The following GRIP1 variants were observed in gnomAD, a reference collection of about 807,000 sequenced individuals.
The protein encoded by GRIP1 is glutamate receptor-interacting protein 1.
In GRIP1, 45 loss-of-function variants were observed where a neutral mutation model predicts 129.9. That is an observed-to-expected ratio of 0.35 (90% CI 0.27 to 0.44). The LOEUF is 0.44. GRIP1 is among the 20% of genes least tolerant of loss of function. GRIP1 has a pLI of 1.00. For missense variants in GRIP1, 1,196 were observed against 1,396.8 expected (o/e 0.86, Z 2.29); for synonymous variants, 530 against 520.8 (o/e 1.02, Z -0.24).
At chr12:66,611,299 T>C (rs1187353223) in intron 1 of GRIP1, among the ~76,000 whole-genome samples, 3 of 152,142 alleles carry the variant, frequency 2.0e-5, no homozygotes, top group African/African-American at 7.2e-5. Flanking sequence ...TGAGAGACAT[T>C]AGCTAAAAAT....
chr12:66,849,816 C>T (rs759600071), intron 1 of GRIP1, among the ~76,000 whole-genome samples: 3 of 152,162 alleles, frequency 2.0e-5, no homozygotes, highest in Non-Finnish European at 4.4e-5. Context: ...CATCTTCAAT[C>T]TGTCCCCCTT....
chr12:67,023,718 C>T (rs1294350011), intron 1 of GRIP1, among the ~76,000 whole-genome samples: 1 of 151,950 alleles, frequency 6.6e-6, no homozygotes, highest in Non-Finnish European at 1.5e-5. Context: ...CCAAAACTTC[C>T]ACTCTCACCC....
chr12:67,003,126 T>C (rs1324176149), intron 1 of GRIP1, among the ~76,000 whole-genome samples: 2 of 152,138 alleles, frequency 1.3e-5, no homozygotes, highest in Non-Finnish European at 2.9e-5. Flanking sequence ...AAATTCTAAA[T>C]GTGAACACCA....
At chr12:67,049,970 CT>C (rs62802760) in intron 1 of GRIP1, among the ~76,000 whole-genome samples, 16,449 of 126,438 alleles carry the variant, frequency 0.13, 979 homozygotes, top group African/African-American at 0.18. Context: ...ATTTGAATTT[CT>C]TTTTTTTTTT....
intron 1 of GRIP1, among the ~76,000 whole-genome samples, chr12:66,998,203 C>T (rs188070325): frequency 3.5e-4 from 54 of 152,148 alleles, no homozygotes; most frequent in African/African-American, 1.1e-3. Context: ...TCAAAAGCCG[C>T]ATGTGGCTAC....
intron 11 of GRIP1, among the ~76,000 whole-genome samples, chr12:66,447,467 G>A (rs980473758): frequency 3.3e-5 from 5 of 152,048 alleles, no homozygotes; most frequent in African/African-American, 7.2e-5. Flanking sequence ...CCTAAATCAT[G>A]GTCAAATGTT....
intron 1 of GRIP1, among the ~76,000 whole-genome samples, chr12:66,717,383 T>TA (rs11403679): frequency 0.46 from 67,853 of 146,554 alleles, 15,551 homozygotes; most frequent in Admixed American, 0.54. Flanking sequence ...TTGCTCACTG[T>TA]AAAAAAAAAA....
intron 1 of GRIP1, among the ~76,000 whole-genome samples, chr12:66,713,693 A>G (rs1274455885): frequency 6.6e-6 from 1 of 151,940 alleles, no homozygotes; most frequent in Non-Finnish European, 1.5e-5. Context: ...CTTCTCTCTC[A>G]TAGAGTTAAT....
At chr12:66,766,133 G>A (rs2037629454) in intron 1 of GRIP1, among the ~76,000 whole-genome samples, 1 of 152,144 alleles carries the variant, frequency 6.6e-6, no homozygotes, top group South Asian at 2.1e-4. Context: ...ATAAGTGACT[G>A]GCTGACAACT....
chr12:66,516,380 G>A (rs1413957908), intron 6 of GRIP1, among the ~76,000 whole-genome samples: 1 of 152,086 alleles, frequency 6.6e-6, no homozygotes, highest in African/African-American at 2.4e-5. Flanking sequence ...CACCACAAAA[G>A]TACAGCCAGG....
chr12:66,589,194 T>TTC (rs10582806), intron 2 of GRIP1, among the ~76,000 whole-genome samples: 35,630 of 95,348 alleles, frequency 0.37, 6,953 homozygotes, highest in East Asian at 0.63. Context: ...CTCCCCCACC[T>TTC]TCTCTCTCTC....
chr12:66,948,760 G>A (rs1046075007), intron 1 of GRIP1, among the ~76,000 whole-genome samples: 1 of 152,104 alleles, frequency 6.6e-6, no homozygotes, highest in African/African-American at 2.4e-5. Context: ...GAAAGAAAAA[G>A]GAAAGACCCC....
At chr12:66,684,555 C>T (rs2034706734) in intron 1 of GRIP1, among the ~76,000 whole-genome samples, 1 of 152,136 alleles carries the variant, frequency 6.6e-6, no homozygotes, top group South Asian at 2.1e-4. Context: ...TTAAAACTCC[C>T]TTCCCCTGGC....
chr12:66,665,452 A>T (rs1395171618), intron 1 of GRIP1, among the ~76,000 whole-genome samples: 1 of 152,140 alleles, frequency 6.6e-6, no homozygotes, highest in Non-Finnish European at 1.5e-5. Flanking sequence ...GTATCCCCAT[A>T]AGTGTGTGTG....
intron 1 of GRIP1, among the ~76,000 whole-genome samples, chr12:66,932,442 C>T (rs2041412669): frequency 6.6e-6 from 1 of 152,106 alleles, no homozygotes; most frequent in Non-Finnish European, 1.5e-5. Context: ...ACACCAGCTG[C>T]TTCAATATTT....
In GRIP1 at chr12:66,678,927, CAA is replaced by C; in HGVS notation, c.-25_-24del. 6.2e-7 allele frequency: 1 copy of C among 1,613,190 alleles called. No homozygotes were observed. ...CATTCTTGCTCACTGCTTTCTGTGG[CAA>C]AGTGTACTCAAGGCTCTCTGCTCTG... On this transcript the variant is annotated 5_prime_UTR_variant, in exon 1 of 25. It removes the in-frame stop codon of an upstream open reading frame in the 5' UTR. Transcript: ENST00000359742.
At chr12:66,407,056 T>C (rs2057217948) in intron 15 of GRIP1, among the ~76,000 whole-genome samples, 1 of 152,188 alleles carries the variant, frequency 6.6e-6, no homozygotes, top group Non-Finnish European at 1.5e-5. Context: ...ATAATGTGAA[T>C]GTAGTATGTA....
intron 1 of GRIP1, among the ~76,000 whole-genome samples, chr12:67,005,932 C>A (rs1245898090): frequency 1.3e-5 from 2 of 152,134 alleles, no homozygotes; most frequent in South Asian, 4.1e-4. Flanking sequence ...TGACCAAGTA[C>A]AGAAAAGGAA....
intron 1 of GRIP1, among the ~76,000 whole-genome samples, chr12:66,775,614 T>A (rs1243258390): frequency 6.6e-6 from 1 of 152,096 alleles, no homozygotes; most frequent in Non-Finnish European, 1.5e-5. Flanking sequence ...CTGTGGTCAA[T>A]CAGCTATAAA....
Sources: allele counts gnomAD v4.1 joint callset (sites outside exome capture counted in the v4.1 genomes callset), GRCh38; gene constraint gnomAD v4.1.1; transcripts MANE v1.5; gene names NCBI Gene and HGNC (gene_info 2026-07-23, HGNC 2026-07-21).